The following S1PR3 variants were observed in gnomAD, a reference collection of about 807,000 sequenced individuals.
S1PR3 encodes sphingosine-1-phosphate receptor 3.
In S1PR3, 12 loss-of-function variants were observed where a neutral mutation model predicts 13.3. That is an observed-to-expected ratio of 0.90 (90% CI 0.58 to 1.46). The LOEUF (loss-of-function observed/expected upper bound fraction) is 1.46, where lower values mean the gene tolerates loss of function less well. Among genes scored for constraint, S1PR3 ranks in the 40% most tolerant of loss-of-function variants. S1PR3 has a pLI of 0.00. For synonymous variants in S1PR3, 232 were observed against 214.0 expected, an observed-to-expected ratio of 1.08 and a Z score of -0.73; for missense variants, 450 against 501.9, an observed-to-expected ratio of 0.90 and a Z score of 0.99.
chr9:88,991,163 G>T (rs552447519), upstream of S1PR3: 13 of 1,607,432 alleles, frequency 8.1e-6, no homozygotes, highest in East Asian at 1.1e-4. This position sits in a 1 kb window ranked among gnomAD's most constrained non-coding sequence, Gnocchi z 4.0. Flanking sequence ...TCTGCACCTG[G>T]AGCTCGCCCG....
Position 88,991,489 on chromosome 9 carries a change from C to T in S1PR3, c.-354C>T, listed in dbSNP as rs1301237361. The T allele has an allele frequency of 4.0e-5, 62 of 1,547,730 alleles. No individual in the cohort carries two copies. Among genetic ancestry groups the T allele is most frequent in the Admixed American group, 7.9e-5 (4 of 50,918 alleles). ...GGGCAGAGGCCGAGGAAGCCGGTTC[C>T]GGGGACGGGCAACAGGGACTCAGGG... On this transcript the variant is annotated 5_prime_UTR_variant, in exon 1 of 2. Coordinates refer to ENST00000358157, the MANE Select transcript of S1PR3 (RefSeq NM_005226.4). This position sits in a 1 kb window ranked among gnomAD's most constrained non-coding sequence, Gnocchi z 4.0.
Position 89,002,315 on chromosome 9 carries a change from A to G in S1PR3, c.1115A>G (p.Gln372Arg). The G allele has an allele frequency of 6.2e-7, 1 of 1,614,042 alleles. No individual in the cohort carries two copies. The highest frequency in any genetic ancestry group is 8.5e-7 in the Non-Finnish European group (1 of 1,179,932). ...ATCATGGACAAGAACGCAGCACTTCAGAATGGGATCTTCTGCAACTGATCG... is the reference window on the plus strand; with the variant it reads ...ATCATGGACAAGAACGCAGCACTTCGGAATGGGATCTTCTGCAACTGATCG... Reference protein sequence around the residue: ...SCIMDKNAALQNGIFCN With the variant: ...SCIMDKNAALRNGIFCN Residue 372 changes from glutamine to arginine, a missense_variant, in exon 2 of 2, where the codon CAG becomes CGG. Transcript: ENST00000358157.
intron 1 of S1PR3, chr9:89,000,043 ATAAG>A (rs1223640844): frequency 2.6e-5 from 4 of 151,578 alleles, no homozygotes; most frequent in African/African-American, 9.8e-5. Flanking sequence ...ATAAAATAAA[ATAAG>A]TGAGTCCACT....
rs371181553 is a variant in S1PR3, at chr9:89,002,502, C to T, written c.*165C>T. ...GAGGGGGCCCAAGGAATCACCACCC[C>T]GCTTCAGTGTAAACAACGTGCCTTG... On this transcript the variant is annotated 3_prime_UTR_variant, in exon 2 of 2. Transcript: ENST00000358157. The T allele has an allele frequency of 1.8e-5, 14 of 793,724 alleles. No individual in the cohort carries two copies. The highest frequency in any genetic ancestry group is 8.1e-5 in the East Asian group (3 of 37,086). The allele number at this position is 793,724 out of a possible 1,614,324, so 49.2% of individuals were successfully genotyped here. A position where few individuals can be genotyped will look rare whatever the true frequency, so the allele number is the denominator to read the frequency against.
upstream of S1PR3, chr9:88,991,309 G>GGGAGGTGGGGAGCT: frequency 6.6e-7 from 1 of 1,509,240 alleles, no homozygotes; most frequent in Admixed American, 2.1e-5. The surrounding 1 kb of genome is among the most constrained non-coding windows in gnomAD (Gnocchi z 4.0). Context: ...CGGCTTGAGC[G>GGGAGGTGGGGAGCT]GGAGGTGGGG....
At chr9:88,994,127 G>C (rs1247264052) in intron 1 of S1PR3, 1 of 167,154 alleles carries the variant, frequency 6.0e-6, no homozygotes, top group African/African-American at 2.4e-5. Context: ...CCAGTGGCAA[G>C]GTGGCAGCCT....
At chr9:88,996,378 T>C (rs572030175) in intron 1 of S1PR3, 2 of 152,162 alleles carry the variant, frequency 1.3e-5, no homozygotes, top group African/African-American at 4.8e-5. Flanking sequence ...AATCAACACA[T>C]GGGCCATGGA....
At chr9:88,991,184 G>A (rs990295471), upstream of S1PR3, 1 of 1,600,450 alleles carries the variant, frequency 6.2e-7, no homozygotes, top group Non-Finnish European at 8.5e-7. The surrounding 1 kb of genome is among the most constrained non-coding windows in gnomAD (Gnocchi z 4.0). Context: ...ATGAGGACAA[G>A]GTCTGGAGGC....
intron 1 of S1PR3, chr9:88,994,139 C>T (rs1340251676): frequency 6.0e-6 from 1 of 167,132 alleles, no homozygotes; most frequent in Non-Finnish European, 1.5e-5. Context: ...TGGCAGCCTC[C>T]CAAAGAGCTC....
chr9:88,991,352 ACGGGGAGAGGGGGG>A (rs935298224), upstream of S1PR3: 52 of 408,966 alleles, frequency 1.3e-4, no homozygotes, highest in Admixed American at 3.3e-4. The surrounding 1 kb of genome is among the most constrained non-coding windows in gnomAD (Gnocchi z 4.0). Flanking sequence ...CGGGCGGGGG[ACGGGGAGAGGGGGG>A]CGGGGAGAGG....
chr9:89,001,163 C>G lies in S1PR3; in HGVS notation c.-38C>G. 1 of 1,599,966 alleles carries G rather than the reference C, an allele frequency of 6.3e-7. No homozygotes were observed. Among genetic ancestry groups the G allele is most frequent in the Non-Finnish European group, 8.5e-7 (1 of 1,171,680 alleles). ...AATGAATGTTCCTGGGGCGCCCTCT[C>G]GTGGATTTTGGAGCTAATCGTCTGT... On this transcript the variant is annotated 5_prime_UTR_variant, in exon 2 of 2. Coordinates refer to ENST00000358157, the MANE Select transcript of S1PR3 (RefSeq NM_005226.4).
intron 1 of S1PR3, chr9:88,992,096 T>G: frequency 6.6e-7 from 1 of 1,509,200 alleles, no homozygotes; most frequent in East Asian, 2.3e-5. Context: ...GCCGGAAAAT[T>G]AGTTTTTTCC....
chr9:88,999,246 A>C, intron 1 of S1PR3: 1 of 150,730 alleles, frequency 6.6e-6, no homozygotes, highest in African/African-American at 2.5e-5. Context: ...CCCCCCGCCA[A>C]CCCCCCGCCC....
chr9:88,993,191 C>G (rs561231535), intron 1 of S1PR3: 2 of 152,728 alleles, frequency 1.3e-5, no homozygotes, highest in South Asian at 4.1e-4. Flanking sequence ...GCCGAAGGAT[C>G]TTATTTCTCA....
Position 89,002,246 on chromosome 9 carries a change from C to T in S1PR3, c.1046C>T (p.Pro349Leu), listed in dbSNP as rs373695744. 5.0e-6 allele frequency: 8 copies of T among 1,614,008 alleles called. No individual in the cohort carries two copies. Among genetic ancestry groups the T allele is most frequent in the South Asian group, 1.1e-5 (1 of 91,086 alleles). ...SSSSNNSSHS[P>L]KVKEDLPHTA... Reference sequence around the variant, plus strand: ...AGCAGCAACAATAGCAGCCACTCTCCGAAGGTCAAGGAAGACCTGCCCCAC... The same window carrying T: ...AGCAGCAACAATAGCAGCCACTCTCTGAAGGTCAAGGAAGACCTGCCCCAC... Residue 349 changes from proline (P) to leucine (L), a missense_variant, in exon 2 of 2, where the codon CCG (proline) becomes CTG (leucine). Transcript: ENST00000358157.
chr9:88,992,191 C>T (rs767349349), intron 1 of S1PR3: 3 of 670,788 alleles, frequency 4.5e-6, no homozygotes, highest in Non-Finnish European at 5.0e-6. Flanking sequence ...GAGGTTCCCA[C>T]GGAAAATCAG....
At position 89,001,143 on chromosome 9, in the gene S1PR3, A is replaced by C; in HGVS notation, c.-58A>C. 6.4e-7 allele frequency: 1 copy of C among 1,571,900 alleles called. No individual in the cohort carries two copies. The highest frequency in any genetic ancestry group is 8.7e-7 in the Non-Finnish European group (1 of 1,154,700). Reference sequence around the variant, plus strand: ...TCAGCCCCGCTTCCCTTTGAAATGAATGTTCCTGGGGCGCCCTCTCGTGGA... The same window carrying C: ...TCAGCCCCGCTTCCCTTTGAAATGACTGTTCCTGGGGCGCCCTCTCGTGGA... On this transcript the variant is annotated 5_prime_UTR_variant, in exon 2 of 2. It removes an upstream start codon present in the reference 5' UTR. Coordinates refer to ENST00000358157, the MANE Select transcript of S1PR3 (RefSeq NM_005226.4).
rs545218631 is a variant in S1PR3, at chr9:89,003,967, A to G, written c.*1630A>G. ...TTTTGTTACTGATGAGATGAAACCT[A>G]TTTGTAAGGAGATCTTCCCCAGGAG... On this transcript the variant is annotated 3_prime_UTR_variant, in exon 2 of 2. Coordinates refer to ENST00000358157, the MANE Select transcript of S1PR3 (RefSeq NM_005226.4). The G allele has an allele frequency of 1.8e-5, 3 of 166,874 alleles. No homozygotes were observed. Among genetic ancestry groups the G allele is most frequent in the Admixed American group, 1.3e-4 (2 of 15,292 alleles). 10.3% of individuals were successfully genotyped at this position (166,874 alleles called of 1,614,324 possible). A position where few individuals can be genotyped will look rare whatever the true frequency, so the allele number is the denominator to read the frequency against.
At chr9:88,998,182 A>G (rs1444419467) in intron 1 of S1PR3, 2 of 152,016 alleles carry the variant, frequency 1.3e-5, no homozygotes, top group Non-Finnish European at 2.9e-5. Flanking sequence ...GAAAGAAATA[A>G]TAAGCAATAC....
Sources: gnomAD v4.1 joint callset for allele counts on GRCh38, gnomAD v4.1.1 for gene constraint, Gnocchi (gnomAD v3.1) non-coding constraint, MANE v1.5 for transcripts, NCBI Gene and HGNC (gene_info 2026-07-23, HGNC 2026-07-21) for gene names.